The following DAGLB variants were observed in gnomAD, a reference collection of about 807,000 sequenced individuals.
DAGLB encodes diacylglycerol lipase beta, also known as diacylglycerol lipase-beta.
A neutral mutation model predicts 72.1 loss-of-function variants in DAGLB; 66 were observed. The ratio of observed to expected loss-of-function variants is 0.92; its 90% CI spans 0.75 to 1.12. The LOEUF is 1.12. DAGLB is among the 50% of genes most tolerant of loss of function. DAGLB has a pLI of 0.00. For synonymous variants in DAGLB, 414 were observed against 359.5 expected, an observed-to-expected ratio of 1.15 and a Z score of -1.71; for missense variants, 1,065 against 884.9, an observed-to-expected ratio of 1.20 and a Z score of -2.58.
intron 8 of DAGLB, chr7:6,422,434 G>A: frequency 5.8e-6 from 1 of 170,960 alleles, no homozygotes; most frequent in Non-Finnish European, 1.3e-5. Context: ...CTGTGCTGCT[G>A]GGCTGGAGGC....
At chr7:6,427,594 A>G (rs2115267904) in intron 6 of DAGLB, among the ~76,000 whole-genome samples, 1 of 152,212 alleles carries the variant, frequency 6.6e-6, no homozygotes, top group Admixed American at 6.6e-5. Flanking sequence ...AAGACAAACA[A>G]AAAAAAGATA....
intron 11 of DAGLB, among the ~76,000 whole-genome samples, chr7:6,413,351 C>T (rs1350635953): frequency 6.6e-6 from 1 of 152,198 alleles, no homozygotes; most frequent in East Asian, 1.9e-4. Flanking sequence ...GCACTGGAGG[C>T]CGGGTGCAGT....
chr7:6,435,147 T>C (rs541971909), intron 3 of DAGLB, 127 bp from the exon 4 acceptor site: 3 of 1,392,422 alleles, frequency 2.2e-6, no homozygotes, highest in South Asian at 1.4e-5. Context: ...CCGAGGAAGA[T>C]GCAGCTCTCC....
At chr7:6,429,013 A>G (rs1784398123) in intron 6 of DAGLB, among the ~76,000 whole-genome samples, 2 of 152,058 alleles carry the variant, frequency 1.3e-5, no homozygotes, top group Non-Finnish European at 2.9e-5. Flanking sequence ...CAGGTTGCCC[A>G]GGCTGGTCTC....
rs746978495 is a variant in DAGLB, at chr7:6,447,886, C to T, written c.-44G>A. 51 of 1,559,548 alleles carry T rather than the reference C, an allele frequency of 3.3e-5. No individual in the cohort carries two copies. The Admixed American group carries it at 4.3e-4, about 13-fold the overall frequency. ...CGCACTCAGGAGAGACCCCGCGCGC[C>T]GTTCACCGAGAACAAACCAGCACCC... is the stretch of plus-strand genomic sequence containing the variant. On this transcript the variant is annotated 5_prime_UTR_variant, in exon 1 of 15. Coordinates refer to ENST00000297056, the MANE Select transcript of DAGLB (RefSeq NM_139179.4).
chr7:6,428,315 C>CA (rs749361631), intron 6 of DAGLB, among the ~76,000 whole-genome samples: 14,071 of 76,686 alleles, frequency 0.18, 1,513 homozygotes, highest in African/African-American at 0.24. Context: ...GACTCTGTCT[C>CA]AAAAAAAAAA....
chr7:6,420,494 T>C (rs921810491), intron 9 of DAGLB, among the ~76,000 whole-genome samples: 1 of 150,932 alleles, frequency 6.6e-6, no homozygotes, highest in African/African-American at 2.4e-5. Flanking sequence ...TCCTGTACGA[T>C]TCCACTTCTG....
At chr7:6,425,300 C>A (rs546351128) in intron 7 of DAGLB, among the ~76,000 whole-genome samples, 1 of 152,118 alleles carries the variant, frequency 6.6e-6, no homozygotes, top group East Asian at 1.9e-4. Context: ...GAGATGGCAT[C>A]TTGCTCTGTC....
At position 6,409,872 on chromosome 7, in the gene DAGLB, G is replaced by C. The variant is rs376036204; in HGVS notation, c.1984C>G (p.Pro662Ala). ...TCCACACTGGAGACCCCTTGTGCTG[G>C]ACAGGAGACGCAGGCCGCTCTGTCG... is the stretch of plus-strand genomic sequence containing the variant. ...VSDRAACVSC[P>A]AQGVSSVDVA is the part of the protein sequence containing the mutation. Residue 662 changes from proline to alanine, a missense_variant, in exon 15 of 15, where the codon CCA becomes GCA. Physicochemically the swap from Pro to Ala is conservative, Grantham distance 27 (BLOSUM62 -1). Coordinates refer to ENST00000297056, the MANE Select transcript of DAGLB (RefSeq NM_139179.4). The C allele has an allele frequency of 6.2e-7, 1 of 1,613,936 alleles. No individual in the cohort carries two copies. Among genetic ancestry groups the C allele is most frequent in the African/African-American group, 1.3e-5 (1 of 74,922 alleles).
At chr7:6,433,149 T>C (rs1455278086) in intron 4 of DAGLB, among the ~76,000 whole-genome samples, 190 bp from the exon 5 acceptor site, 1 of 152,238 alleles carries the variant, frequency 6.6e-6, no homozygotes, top group East Asian at 1.9e-4. Context: ...TTTCACATCC[T>C]GCCCTCAGAC....
chr7:6,441,689 T>C (rs551791692), intron 2 of DAGLB, among the ~76,000 whole-genome samples: 2 of 152,258 alleles, frequency 1.3e-5, no homozygotes, highest in East Asian at 3.9e-4. Flanking sequence ...AGTGCTGGAA[T>C]TACAGGTGTA....
chr7:6,438,194 G>C (rs1330941560), intron 2 of DAGLB, among the ~76,000 whole-genome samples: 1 of 151,880 alleles, frequency 6.6e-6, no homozygotes, highest in African/African-American at 2.4e-5. Context: ...CACACACCGG[G>C]GCCTGTAGTT....
Position 6,416,418 on chromosome 7 carries a change from C to A in DAGLB, c.1427+209G>T, listed in dbSNP as rs1031555467. On this transcript the variant is annotated intron_variant, in intron 11 of 14. Coordinates refer to ENST00000297056, the MANE Select transcript of DAGLB (RefSeq NM_139179.4). Reference sequence around the variant, plus strand: ...AATTAGCCGGCATGCTGGCGGGTGTCTGTAGTCCCAGCAACTCGGGAGGCT... The same window carrying A: ...AATTAGCCGGCATGCTGGCGGGTGTATGTAGTCCCAGCAACTCGGGAGGCT... 47 of 567,746 alleles carry A rather than the reference C, an allele frequency of 8.3e-5. No homozygotes were observed. The African/African-American group carries it at 8.4e-4, about 10-fold the overall frequency. 35.2% of individuals were successfully genotyped at this position (567,746 alleles called of 1,614,324 possible). A position where few individuals can be genotyped will look rare whatever the true frequency, so the allele number is the denominator to read the frequency against.
In DAGLB at chr7:6,421,648, T is replaced by C. The variant is rs535479952; in HGVS notation, c.1218+79A>G. 143 of 1,456,734 alleles carry C rather than the reference T, an allele frequency of 9.8e-5. No individual in the cohort carries two copies. In the African/African-American group the frequency reaches 1.9e-3, roughly 19 times the overall value. The allele number at this position is 1,456,734 out of a possible 1,614,324, so 90.2% of individuals were successfully genotyped here. On this transcript the variant is annotated intron_variant, in intron 9 of 14. Transcript: ENST00000297056. Reference sequence around the variant, plus strand: ...CGGGAGGCGCAGGCAGCGCGGGCTCTGTGCAGTCCCTGACCCGAGGCACCC... The same window carrying C: ...CGGGAGGCGCAGGCAGCGCGGGCTCCGTGCAGTCCCTGACCCGAGGCACCC...
chr7:6,423,997 C>G (rs546250276), intron 8 of DAGLB, among the ~76,000 whole-genome samples: 2 of 152,114 alleles, frequency 1.3e-5, no homozygotes, highest in Non-Finnish European at 2.9e-5. Context: ...CAGATGGCTC[C>G]TGAAGATGCA....
At chr7:6,421,871 G>A (rs757774919) in intron 8 of DAGLB, 67 bp from the exon 9 acceptor site, 41 of 1,541,126 alleles carry the variant, frequency 2.7e-5, no homozygotes, top group Non-Finnish European at 3.6e-5. Flanking sequence ...ATGACAGGTG[G>A]TCCCTGCTCC....
At chr7:6,428,710 C>T (rs956219471) in intron 6 of DAGLB, among the ~76,000 whole-genome samples, 18 of 152,170 alleles carry the variant, frequency 1.2e-4, no homozygotes, top group African/African-American at 2.7e-4. Flanking sequence ...TGGTCTTGAA[C>T]TCCTGACCTC....
chr7:6,420,504 G>A (rs1260761310), intron 9 of DAGLB, among the ~76,000 whole-genome samples: 1 of 152,034 alleles, frequency 6.6e-6, no homozygotes, highest in Non-Finnish European at 1.5e-5. Context: ...TTCCACTTCT[G>A]TGGGGTTCCC....
chr7:6,436,340 A>T, intron 3 of DAGLB, 22 bp downstream of exon 3: 3 of 1,587,092 alleles, frequency 1.9e-6, no homozygotes, highest in Non-Finnish European at 2.6e-6. Flanking sequence ...CTGAAACTCA[A>T]AGAGAAGAAG....
Sources: allele counts gnomAD v4.1 joint callset (sites outside exome capture counted in the v4.1 genomes callset), GRCh38; gene constraint gnomAD v4.1.1; transcripts MANE v1.5; gene names NCBI Gene and HGNC (gene_info 2026-07-23, HGNC 2026-07-21).